Variants in IGSF10 observed in about 807,000 individuals in gnomAD.
The protein encoded by IGSF10 is calvaria mechanical force protein 608.
A neutral mutation model predicts 128.2 loss-of-function variants in IGSF10; 126 were observed. The ratio of observed to expected loss-of-function variants is 0.98; its 90% CI spans 0.85 to 1.14. The LOEUF (loss-of-function observed/expected upper bound fraction) is 1.14. Among genes scored for constraint, IGSF10 ranks in the 50% most tolerant of loss-of-function variants. The pLI, the probability that IGSF10 is intolerant of heterozygous loss-of-function variation, is 0.00. For missense variants in IGSF10, 3,295 were observed against 3,149.8 expected (o/e 1.05, Z -1.10); for synonymous variants, 1,185 against 1,146.2 (o/e 1.03, Z -0.68).
At chr3:151,566,374 T>C in the IGSF10 span, among the ~76,000 whole-genome samples, 1 of 152,182 alleles carries the variant, frequency 6.6e-6, no homozygotes, top group African/African-American at 2.4e-5. Flanking sequence ...TGGGTTCTAC[T>C]TAATAAGTAC....
rs1721237862 is a variant in IGSF10 at position 151,447,052 on chromosome 3, G to A, written c.2929C>T (p.Leu977Phe). 7 of 1,613,716 alleles carry A rather than the reference G, an allele frequency of 4.3e-6. No homozygotes were observed. The South Asian group carries it at 5.5e-5, about 13-fold the overall frequency. Residue 977 changes from leucine to phenylalanine, a missense_variant, in exon 6 of 8, where the codon CTT (leucine) becomes TTT (phenylalanine). Physicochemically the swap from Leu to Phe is conservative, Grantham distance 22. Coordinates refer to ENST00000282466, the MANE Select transcript of IGSF10 (RefSeq NM_178822.5). Reference sequence around the variant, plus strand: ...TCTGAAGGGAACGTGGAGGTGCTAAGTATTTGAGTAGTGTGAGAATAGAAG... The same window carrying A: ...TCTGAAGGGAACGTGGAGGTGCTAAATATTTGAGTAGTGTGAGAATAGAAG... The part of the protein sequence containing the change: ...NHFYSHTTQI[L>F]STSTFPSDPH...
the IGSF10 span, among the ~76,000 whole-genome samples, chr3:151,501,745 C>T: frequency 5.3e-5 from 8 of 152,074 alleles, no homozygotes; most frequent in Non-Finnish European, 1.0e-4. Context: ...TTCATAGGAA[C>T]ATTGAGTGTT....
chr3:151,440,053 CAG>C (rs140031428), intron 7 of IGSF10, among the ~76,000 whole-genome samples: 18,164 of 152,018 alleles, frequency 0.12, 1,436 homozygotes, highest in East Asian at 0.39. Context: ...TTTTTTGAGA[CAG>C]GGTGTCACTC....
At chr3:151,566,772 G>GT in the IGSF10 span, among the ~76,000 whole-genome samples, 8 of 152,278 alleles carry the variant, frequency 5.3e-5, no homozygotes, top group South Asian at 1.4e-3. Flanking sequence ...CTCTGAATAG[G>GT]TTAACAGCCA....
At chr3:151,451,592 C>T (rs1013586404) in intron 5 of IGSF10, among the ~76,000 whole-genome samples, 3 of 152,126 alleles carry the variant, frequency 2.0e-5, no homozygotes, top group African/African-American at 7.2e-5. Flanking sequence ...TTAAGATGTG[C>T]CTTACAATTG....
At chr3:151,545,169 CT>C in the IGSF10 span, among the ~76,000 whole-genome samples, 447 of 152,166 alleles carry the variant, frequency 2.9e-3, 5 homozygotes, top group Middle Eastern at 0.017. Context: ...TGCATATTCT[CT>C]TTTTTTCTGG....
chr3:151,522,238 G>A, the IGSF10 span, among the ~76,000 whole-genome samples: 1 of 152,118 alleles, frequency 6.6e-6, no homozygotes, highest in Admixed American at 6.6e-5. Flanking sequence ...AGGACCTGAT[G>A]GCTTCATAGC....
At chr3:151,527,049 A>G in the IGSF10 span, among the ~76,000 whole-genome samples, 2 of 152,172 alleles carry the variant, frequency 1.3e-5, no homozygotes, top group African/African-American at 2.4e-5. Flanking sequence ...TGGTCTTCCT[A>G]ACTTTTGGTA....
At chr3:151,471,165 CT>C in the IGSF10 span, among the ~76,000 whole-genome samples, 1 of 152,128 alleles carries the variant, frequency 6.6e-6, no homozygotes, top group African/African-American at 2.4e-5. Flanking sequence ...GGGAATTCTC[CT>C]GCACATGCTC....
chr3:151,493,355 C>A, the IGSF10 span, among the ~76,000 whole-genome samples: 2 of 152,138 alleles, frequency 1.3e-5, no homozygotes, highest in Non-Finnish European at 2.9e-5. Flanking sequence ...ATTTTACTAT[C>A]TATAGTCATG....
chr3:151,564,215 A>C, the IGSF10 span, among the ~76,000 whole-genome samples: 2 of 152,174 alleles, frequency 1.3e-5, no homozygotes, highest in Admixed American at 6.6e-5. Context: ...TATTAAATAC[A>C]TATTTTTAGG....
chr3:151,562,159 C>A, the IGSF10 span, among the ~76,000 whole-genome samples: 1 of 152,124 alleles, frequency 6.6e-6, no homozygotes, highest in African/African-American at 2.4e-5. Context: ...AGTAAAAAAG[C>A]CAGCCCAAAC....
chr3:151,536,525 G>C, the IGSF10 span, among the ~76,000 whole-genome samples: 1 of 152,128 alleles, frequency 6.6e-6, no homozygotes, highest in African/African-American at 2.4e-5. Flanking sequence ...GGCCCTACAT[G>C]ACAGCTTTGA....
chr3:151,510,963 G>A, the IGSF10 span, among the ~76,000 whole-genome samples: 5 of 152,246 alleles, frequency 3.3e-5, no homozygotes, highest in African/African-American at 7.2e-5. Context: ...ATGGGACTAT[G>A]TGAAAAGACC....
chr3:151,470,939 A>C, the IGSF10 span, among the ~76,000 whole-genome samples: 1 of 152,208 alleles, frequency 6.6e-6, no homozygotes, highest in Admixed American at 6.5e-5. Flanking sequence ...AAAACACTGT[A>C]ATCTACTTAA....
the IGSF10 span, among the ~76,000 whole-genome samples, chr3:151,477,432 A>C: frequency 6.6e-6 from 1 of 152,150 alleles, no homozygotes; most frequent in Non-Finnish European, 1.5e-5. Flanking sequence ...TTCTTAGGGG[A>C]GGTGTCTTGG....
At chr3:151,506,368 A>G in the IGSF10 span, among the ~76,000 whole-genome samples, 1 of 152,194 alleles carries the variant, frequency 6.6e-6, no homozygotes, top group Non-Finnish European at 1.5e-5. Context: ...TTTTAGCTAA[A>G]AAACAGTAGG....
Position 151,438,273 on chromosome 3 carries a change from A to T in IGSF10, c.6288T>A (p.Tyr2096Ter). 1 of 1,614,174 alleles carries T rather than the reference A, an allele frequency of 6.2e-7. No homozygotes were observed. Among genetic ancestry groups the T allele is most frequent in the Non-Finnish European group, 8.5e-7 (1 of 1,180,014 alleles). Residue 2096 changes from tyrosine (Y) to a stop codon, truncating the protein, a stop_gained, in exon 8 of 8, where the codon TAT becomes TAA. Transcript: ENST00000282466. LOFTEE classifies it low-confidence loss of function (END_TRUNC). ...ATAAAGTTCCATTGTTGAAAAGGGTATATCTCCTAGTCCTGTGGCCACTGT... is the reference window on the plus strand; with the variant it reads ...ATAAAGTTCCATTGTTGAAAAGGGTTTATCTCCTAGTCCTGTGGCCACTGT... ...ADDSGHRTRRYTLFNNGTLYF... is the reference protein window; with the variant it reads ...ADDSGHRTRR
chr3:151,576,617 C>A, the IGSF10 span, among the ~76,000 whole-genome samples: 1 of 152,182 alleles, frequency 6.6e-6, no homozygotes. Context: ...GGTAAAGAAG[C>A]TGGCCATAAC....
Sources: allele counts gnomAD v4.1 joint callset (sites outside exome capture counted in the v4.1 genomes callset), GRCh38; gene constraint gnomAD v4.1.1; transcripts MANE v1.5; gene names NCBI Gene and HGNC (gene_info 2026-07-23, HGNC 2026-07-21).